NBAS: variants seen among roughly 807,000 people sequenced by gnomAD.
The protein encoded by NBAS is NBAS subunit of NRZ tethering complex, also known as NAG/BC035112 fusion.
NBAS carries 219 observed loss-of-function variants against 302.5 expected under a neutral mutation model. The ratio of observed to expected loss-of-function variants is 0.72; its 90% CI spans 0.65 to 0.81. NBAS has a LOEUF of 0.81. Among genes scored for constraint, NBAS ranks in the 30% least tolerant of loss-of-function variants. The pLI is 0.00. For synonymous variants in NBAS, 1,118 were observed against 1,021.6 expected (o/e 1.09, Z -1.80); for missense variants, 2,932 against 2,841.6 (o/e 1.03, Z -0.72).
chr2:14,947,357 T>C, the NBAS span, among the ~76,000 whole-genome samples: 1 of 151,854 alleles, frequency 6.6e-6, no homozygotes, highest in Non-Finnish European at 1.5e-5. Context: ...AACAAAGAAA[T>C]ACAAGGAATC....
the NBAS span, among the ~76,000 whole-genome samples, chr2:15,034,013 AAGAAGAAGAAGAAGAGGAGGAGGAAGG>A: frequency 2.1e-5 from 1 of 47,970 alleles, no homozygotes; most frequent in African/African-American, 1.6e-4. Context: ...GAAGAAGAAG[AAGAAGAAGAAGAAGAGGAGGAGGAAGG>A]AGGAGGAGGA....
the NBAS span, among the ~76,000 whole-genome samples, chr2:14,906,872 C>A: frequency 6.6e-6 from 1 of 152,124 alleles, no homozygotes; most frequent in Admixed American, 6.5e-5. Flanking sequence ...ATATTGACGA[C>A]AAGAGACACA....
chr2:15,136,660 C>G, the NBAS span, among the ~76,000 whole-genome samples: 1 of 152,138 alleles, frequency 6.6e-6, no homozygotes, highest in African/African-American at 2.4e-5. Flanking sequence ...CAGGGAGACA[C>G]GGGTTTAGTG....
chr2:14,813,234 A>G, the NBAS span, among the ~76,000 whole-genome samples: 1 of 152,188 alleles, frequency 6.6e-6, no homozygotes, highest in African/African-American at 2.4e-5. Context: ...TGTGGAAGCA[A>G]CCTTAAAACT....
At chr2:15,417,455 G>A (rs1030255333) in intron 24 of NBAS, 72 bp downstream of exon 24, 4 of 1,304,536 alleles carry the variant, frequency 3.1e-6, no homozygotes, top group Non-Finnish European at 4.3e-6. Context: ...TCTTTGGTTT[G>A]AGACACATAT....
the NBAS span, among the ~76,000 whole-genome samples, chr2:14,799,925 G>T: frequency 6.6e-6 from 1 of 151,936 alleles, no homozygotes. Flanking sequence ...CCATTGTTTT[G>T]TGTTTAACCT....
chr2:15,379,687 T>C lies in NBAS; in HGVS notation c.3505A>G (p.Lys1169Glu), dbSNP rs1223780855. 6.2e-7 allele frequency: 1 copy of C among 1,613,996 alleles called. No individual in the cohort carries two copies. The highest frequency in any genetic ancestry group is 1.7e-5 in the Admixed American group (1 of 59,994). The change falls in exon 30 of 52, where the codon AAG becomes GAG. Residue 1169 changes from lysine (K) to glutamate (E), a missense_variant. By Grantham distance (56) the Lys-to-Glu change is moderately conservative. Coordinates refer to ENST00000281513, the MANE Select transcript of NBAS (RefSeq NM_015909.4). Reference protein sequence around the residue: ...GKPHYRVSYEKSIDLVLAASR... With the variant: ...GKPHYRVSYEESIDLVLAASR... ...GCAGCCAAAACCAAGTCAATACTCTTTTCGTAGCTGACCCTGTAGTGGGGT... is the reference window on the plus strand; with the variant it reads ...GCAGCCAAAACCAAGTCAATACTCTCTTCGTAGCTGACCCTGTAGTGGGGT...
At chr2:15,534,312 A>G (rs1663376696) in intron 9 of NBAS, among the ~76,000 whole-genome samples, 1 of 152,204 alleles carries the variant, frequency 6.6e-6, no homozygotes, top group Admixed American at 6.5e-5. Flanking sequence ...AAAGAGGAGA[A>G]TAAATTCCTC....
At chr2:15,491,359 C>T (rs904293668) in intron 11 of NBAS, among the ~76,000 whole-genome samples, 4 of 152,236 alleles carry the variant, frequency 2.6e-5, no homozygotes, top group African/African-American at 9.6e-5. Flanking sequence ...TGCTAAGTTC[C>T]TCCCAATTTA....
the NBAS span, among the ~76,000 whole-genome samples, chr2:14,865,181 G>C: frequency 6.6e-6 from 1 of 152,096 alleles, no homozygotes; most frequent in African/African-American, 2.4e-5. Flanking sequence ...TTCGCAAAAT[G>C]GTAGGAGGTG....
chr2:15,260,793 T>C (rs1668813226), intron 44 of NBAS, among the ~76,000 whole-genome samples: 1 of 146,206 alleles, frequency 6.8e-6, no homozygotes, highest in African/African-American at 2.7e-5. Flanking sequence ...AACAATATTA[T>C]GTATCAAAAG....
the NBAS span, among the ~76,000 whole-genome samples, chr2:15,070,449 G>GTGTT: frequency 1.3e-5 from 2 of 152,110 alleles, no homozygotes; most frequent in African/African-American, 4.8e-5. Context: ...AGTAACTGGG[G>GTGTT]TGTTGTTGGC....
the NBAS span, among the ~76,000 whole-genome samples, chr2:15,082,644 C>T: frequency 2.0e-5 from 3 of 152,294 alleles, no homozygotes; most frequent in East Asian, 1.9e-4. Flanking sequence ...TTCCCAGAGC[C>T]CCCAAGGAGG....
the NBAS span, among the ~76,000 whole-genome samples, chr2:15,060,628 G>A: frequency 6.6e-6 from 1 of 152,128 alleles, no homozygotes; most frequent in Non-Finnish European, 1.5e-5. Flanking sequence ...GGTCAGTGCA[G>A]GGAGGATGGG....
At chr2:15,363,461 TC>T (rs1431582181) in intron 32 of NBAS, among the ~76,000 whole-genome samples, 1 of 152,158 alleles carries the variant, frequency 6.6e-6, no homozygotes, top group Non-Finnish European at 1.5e-5. Flanking sequence ...GATGCAAAGG[TC>T]TTGTGAATGA....
At chr2:14,814,269 C>A in the NBAS span, among the ~76,000 whole-genome samples, 1 of 152,180 alleles carries the variant, frequency 6.6e-6, no homozygotes, top group East Asian at 1.9e-4. Context: ...CTACTGTCCT[C>A]CAGACCCCCA....
At chr2:15,143,062 T>A in the NBAS span, among the ~76,000 whole-genome samples, 10 of 152,204 alleles carry the variant, frequency 6.6e-5, no homozygotes, top group Admixed American at 6.5e-5. Flanking sequence ...AAATATGTAC[T>A]TGGTTATTTT....
chr2:14,793,961 T>A, the NBAS span, among the ~76,000 whole-genome samples: 9 of 152,118 alleles, frequency 5.9e-5, no homozygotes, highest in Non-Finnish European at 1.0e-4. Context: ...AAACTATGCC[T>A]CAGGAATGAA....
the NBAS span, among the ~76,000 whole-genome samples, chr2:14,800,878 T>C: frequency 2.0e-5 from 3 of 150,866 alleles, no homozygotes; most frequent in Non-Finnish European, 3.0e-5. Flanking sequence ...TTTTATCTGG[T>C]ATCATTTCCT....
Sources: allele counts gnomAD v4.1 joint callset (sites outside exome capture counted in the v4.1 genomes callset), GRCh38; gene constraint gnomAD v4.1.1; transcripts MANE v1.5; gene names NCBI Gene and HGNC (gene_info 2026-07-23, HGNC 2026-07-21).